Variants in FAM13C observed in about 807,000 individuals in gnomAD.
FAM13C encodes protein FAM13C.
In FAM13C, 37 loss-of-function variants were observed where a neutral mutation model predicts 73.2. The observed-to-expected ratio is 0.51, with a 90% CI of 0.39 to 0.67. FAM13C has a LOEUF of 0.67. Among genes scored for constraint, FAM13C ranks in the 30% least tolerant of loss-of-function variants. FAM13C has a pLI of 0.00. For missense variants in FAM13C, 589 were observed against 715.6 expected (o/e 0.82, Z 2.02); for synonymous variants, 246 against 260.9 (o/e 0.94, Z 0.55).
intron 4 of FAM13C, among the ~76,000 whole-genome samples, chr10:59,309,077 T>G (rs1161238305): frequency 6.6e-6 from 1 of 152,220 alleles, no homozygotes; most frequent in Non-Finnish European, 1.5e-5. Context: ...GTTTCCTATT[T>G]CAGTGAAAAG....
chr10:59,262,392 G>T, intron 10 of FAM13C, 42 bp downstream of exon 10: 1 of 1,551,076 alleles, frequency 6.4e-7, no homozygotes. Context: ...AGCACTGTGT[G>T]GACTACAGGG....
intron 1 of FAM13C, among the ~76,000 whole-genome samples, chr10:59,357,885 C>A (rs935440558): frequency 1.3e-5 from 2 of 152,114 alleles, no homozygotes; most frequent in East Asian, 3.8e-4. Context: ...ATAAATATAA[C>A]CATAATATAC....
At chr10:59,325,668 C>T (rs1015345357) in intron 3 of FAM13C, among the ~76,000 whole-genome samples, 1 of 152,076 alleles carries the variant, frequency 6.6e-6, no homozygotes, top group African/African-American at 2.4e-5. Context: ...GGCTCAGTTT[C>T]CTTTTCTGTA....
intron 5 of FAM13C, among the ~76,000 whole-genome samples, chr10:59,298,284 T>C (rs1253982902): frequency 2.0e-5 from 3 of 152,184 alleles, no homozygotes; most frequent in South Asian, 2.1e-4. Context: ...TCAAGGTCAA[T>C]TGGCTTGTGG....
intron 3 of FAM13C, among the ~76,000 whole-genome samples, chr10:59,338,238 T>C (rs566962547): frequency 2.6e-5 from 4 of 152,256 alleles, no homozygotes; most frequent in Non-Finnish European, 5.9e-5. Flanking sequence ...GCAGTGCTCT[T>C]GCCAGTGCAT....
intron 10 of FAM13C, among the ~76,000 whole-genome samples, chr10:59,260,726 C>T (rs1842421009): frequency 6.6e-6 from 1 of 152,176 alleles, no homozygotes; most frequent in Admixed American, 6.6e-5. Context: ...GACCACCCCC[C>T]AATGGCTTCG....
At chr10:59,305,382 A>G (rs1848139363) in intron 4 of FAM13C, among the ~76,000 whole-genome samples, 1 of 152,230 alleles carries the variant, frequency 6.6e-6, no homozygotes, top group African/African-American at 2.4e-5. Context: ...AAACATATTA[A>G]CTTATAGTTA....
intron 6 of FAM13C, among the ~76,000 whole-genome samples, chr10:59,275,170 C>G (rs1055201973): frequency 1.3e-5 from 2 of 152,154 alleles, no homozygotes; most frequent in African/African-American, 4.8e-5. Flanking sequence ...ACAGAAAGAC[C>G]ACTGAAGGAA....
In FAM13C at chr10:59,252,827, A is replaced by G; in HGVS notation, c.1504T>C (p.Ser502Pro). 6.2e-7 allele frequency: 1 copy of G among 1,614,012 alleles called. No homozygotes were observed. The highest frequency in any genetic ancestry group is 8.5e-7 in the Non-Finnish European group (1 of 1,179,974). Residue 502 changes from serine to proline, a missense_variant, in exon 12 of 14, where the codon TCC becomes CCC. Ser to Pro is a moderately conservative substitution (Grantham distance 74). Coordinates refer to ENST00000618804, the MANE Select transcript of FAM13C (RefSeq NM_198215.4). ...GTAGCCTCATGTAAATTAGACATGG[A>G]GAGAGCTGGTGGTTTTACTTCTTTC... is the stretch of plus-strand genomic sequence containing the variant. ...EKKEVKPPAL[S>P]MSNLHEATMP...
In FAM13C at chr10:59,268,573, C is replaced by A; in HGVS notation, c.922G>T (p.Glu308Ter). 1 of 1,613,748 alleles carries A rather than the reference C, an allele frequency of 6.2e-7. No individual in the cohort carries two copies. Among genetic ancestry groups the A allele is most frequent in the South Asian group, 1.1e-5 (1 of 91,040 alleles). ...CTTACCCGGTATTTCTTTTCTTGTT[C>A]AAATTTTTCTTCAAATTTCCGAATT... ...RKIRKFEEKF[E>*]QEKKYRPSHG... is the part of the protein sequence containing the mutation. The change falls in exon 8 of 14, where the codon GAA (glutamate) becomes TAA (stop). Residue 308 changes from glutamate to a stop codon, truncating the protein, a stop_gained. Transcript: ENST00000618804. LOFTEE classifies it high-confidence loss of function.
chr10:59,324,057 C>A lies in FAM13C; in HGVS notation c.374G>T (p.Gly125Val). 6.2e-7 allele frequency: 1 copy of A among 1,614,050 alleles called. No individual in the cohort carries two copies. Among genetic ancestry groups the A allele is most frequent in the East Asian group, 2.2e-5 (1 of 44,878 alleles). The change falls in exon 4 of 14, where the codon GGA (glycine) becomes GTA (valine). Residue 125 changes from glycine to valine, a missense_variant. Transcript: ENST00000618804. ...TTGTGGACTCTCATGAGCTGGTGTT[C>A]CTGCTCTCACCTGACACTCTGACTG... ...SSQSECQVRA[G>V]TPAHESPQNN...
chr10:59,251,815 T>G (rs1481013345), intron 12 of FAM13C, 139 bp from the exon 13 acceptor site: 1 of 640,746 alleles, frequency 1.6e-6, no homozygotes, highest in Non-Finnish European at 2.6e-6. Flanking sequence ...TGAGTAAATA[T>G]GACACACATA....
At chr10:59,327,101 C>T (rs547803495) in intron 3 of FAM13C, among the ~76,000 whole-genome samples, 43 of 152,072 alleles carry the variant, frequency 2.8e-4, no homozygotes, top group Middle Eastern at 3.4e-3. Context: ...CATTAAGGAA[C>T]GACAGAGCAT....
rs117517987 is a variant in FAM13C, at chr10:59,286,026, C to T, written c.508-2579G>A. Among the ~76,000 whole-genome samples the T allele has an allele frequency of 3.4e-3, 522 of 152,198 alleles. 4 individuals are homozygous for T. The highest frequency in any genetic ancestry group is 0.011 in the African/African-American group (477 of 41,530). ...TGGACACAGCCCAAGTGTCCATGAG[C>T]GGATGAATGGATAAACCAAACGTGG... On this transcript the variant is annotated intron_variant, in intron 5 of 13. Coordinates refer to ENST00000618804, the MANE Select transcript of FAM13C (RefSeq NM_198215.4).
At chr10:59,347,850 A>G (rs561154842) in intron 3 of FAM13C, among the ~76,000 whole-genome samples, 2 of 152,200 alleles carry the variant, frequency 1.3e-5, no homozygotes, top group Non-Finnish European at 2.9e-5. Context: ...TGCAAAGGAC[A>G]TGAACTCATC....
intron 6 of FAM13C, among the ~76,000 whole-genome samples, chr10:59,276,235 A>C (rs1182013151): frequency 6.6e-6 from 1 of 152,302 alleles, no homozygotes; most frequent in African/African-American, 2.4e-5. Flanking sequence ...TCTAGAGGGG[A>C]CCTAGGGAAT....
In FAM13C at chr10:59,257,335, C is replaced by A. The variant is rs545282149; in HGVS notation, c.1237-2892G>T. The stretch of plus-strand genomic sequence containing the variant: ...CATAACTGCTACTGAGGGGTCAGCC[C>A]AAATTAGTTTCTTTCTGGGTCCTGG... On this transcript the variant is annotated intron_variant, in intron 10 of 13. Coordinates refer to ENST00000618804, the MANE Select transcript of FAM13C (RefSeq NM_198215.4). Among the ~76,000 whole-genome samples, 33 of 152,242 alleles carry A rather than the reference C, an allele frequency of 2.2e-4. 1 individual carries two copies. The East Asian group carries it at 6.4e-3, about 29-fold the overall frequency.
intron 1 of FAM13C, among the ~76,000 whole-genome samples, chr10:59,356,492 G>C (rs1193060364): frequency 1.3e-5 from 2 of 151,972 alleles, no homozygotes; most frequent in Admixed American, 1.3e-4. Flanking sequence ...TCCTGCCTAG[G>C]GGAACCAGGA....
intron 3 of FAM13C, among the ~76,000 whole-genome samples, chr10:59,345,717 T>C (rs1383908125): frequency 1.3e-5 from 2 of 152,180 alleles, no homozygotes; most frequent in African/African-American, 4.8e-5. Flanking sequence ...GTCCCCCGAA[T>C]CTTCACCATT....
Sources: allele counts gnomAD v4.1 joint callset (sites outside exome capture counted in the v4.1 genomes callset), GRCh38; gene constraint gnomAD v4.1.1; transcripts MANE v1.5; gene names NCBI Gene and HGNC (gene_info 2026-07-23, HGNC 2026-07-21).